Variants in DLG2 observed in about 807,000 individuals in gnomAD.
The protein encoded by DLG2 is disks large homolog 2.
DLG2 carries 45 observed loss-of-function variants against 132.5 expected under a neutral mutation model. The ratio of observed to expected loss-of-function variants is 0.34; its 90% confidence interval spans 0.27 to 0.44. The LOEUF (loss-of-function observed/expected upper bound fraction) is 0.44, where lower values mean the gene tolerates loss of function less well. Among genes scored for constraint, DLG2 ranks in the 20% least tolerant of loss-of-function variants. DLG2 has a pLI of 1.00. For synonymous variants in DLG2, 424 were observed against 419.6 expected, an observed-to-expected ratio of 1.01 and a Z score of -0.13; for missense variants, 1,045 against 1,196.9, an observed-to-expected ratio of 0.87 and a Z score of 1.87.
chr11:85,165,634 C>T (rs796601490), intron 4 of DLG2, among the ~76,000 whole-genome samples: 2 of 152,248 alleles, frequency 1.3e-5, no homozygotes, highest in African/African-American at 4.8e-5. Context: ...CATCAGAACA[C>T]CTTTCTACTT....
intron 12 of DLG2, among the ~76,000 whole-genome samples, chr11:83,980,207 G>A (rs2514144): frequency 0.98 from 149,616 of 152,180 alleles, 73,554 homozygotes; most frequent in East Asian, 1. Flanking sequence ...AGGTGGCTTT[G>A]TAAGAAGAGA....
intron 4 of DLG2, among the ~76,000 whole-genome samples, chr11:85,256,729 G>A (rs1046946752): frequency 4.6e-5 from 7 of 152,052 alleles, no homozygotes; most frequent in African/African-American, 1.7e-4. Context: ...GTGTGAGGGG[G>A]GGTCAGGGAA....
intron 12 of DLG2, among the ~76,000 whole-genome samples, chr11:83,968,671 G>T (rs1055832965): frequency 2.0e-5 from 3 of 151,508 alleles, no homozygotes; most frequent in African/African-American, 7.3e-5. Context: ...TTTTACAGAT[G>T]AGAAAAGTGT....
intron 5 of DLG2, among the ~76,000 whole-genome samples, chr11:85,130,625 A>G (rs2075619533): frequency 6.6e-6 from 1 of 152,224 alleles, no homozygotes; most frequent in Non-Finnish European, 1.5e-5. Context: ...TCTGTAAAGC[A>G]ATAATTGAAG....
intron 6 of DLG2, among the ~76,000 whole-genome samples, chr11:84,986,501 T>C (rs2056508141): frequency 6.6e-6 from 1 of 152,250 alleles, no homozygotes; most frequent in East Asian, 1.9e-4. Flanking sequence ...ATATCCCTGA[T>C]GAACATAGAT....
intron 6 of DLG2, among the ~76,000 whole-genome samples, chr11:84,564,721 T>A (rs968037423): frequency 2.6e-5 from 4 of 152,226 alleles, no homozygotes; most frequent in African/African-American, 7.2e-5. Flanking sequence ...AAATATTACC[T>A]AAGGTGTCTC....
At chr11:85,613,246 C>T (rs973552785) in intron 2 of DLG2, among the ~76,000 whole-genome samples, 2 of 152,094 alleles carry the variant, frequency 1.3e-5, no homozygotes, top group East Asian at 1.9e-4. Context: ...ATCAAGCTAC[C>T]GATGGTCTTA....
At chr11:85,255,475 G>A (rs1413990484) in intron 4 of DLG2, among the ~76,000 whole-genome samples, 1 of 152,084 alleles carries the variant, frequency 6.6e-6, no homozygotes, top group Non-Finnish European at 1.5e-5. Context: ...TTCACCTAAA[G>A]TTCAAATATT....
chr11:85,309,696 G>A (rs1226511699), intron 3 of DLG2, among the ~76,000 whole-genome samples: 3 of 151,946 alleles, frequency 2.0e-5, no homozygotes, highest in African/African-American at 7.3e-5. Context: ...AATTTGTTTG[G>A]GTATGCTGTG....
At chr11:85,203,650 C>T (rs2152557112) in intron 4 of DLG2, among the ~76,000 whole-genome samples, 1 of 152,144 alleles carries the variant, frequency 6.6e-6, no homozygotes, top group East Asian at 1.9e-4. Context: ...TCAAACTATT[C>T]AAAAACATTG....
intron 6 of DLG2, among the ~76,000 whole-genome samples, chr11:85,083,391 C>A (rs954662089): frequency 6.6e-6 from 1 of 152,070 alleles, no homozygotes; most frequent in African/African-American, 2.4e-5. Context: ...CCATTGGTCA[C>A]CAATTTGTAA....
chr11:84,205,323 T>C (rs992439840), intron 8 of DLG2, among the ~76,000 whole-genome samples: 16 of 152,142 alleles, frequency 1.1e-4, no homozygotes, highest in African/African-American at 7.2e-5. Flanking sequence ...CTTTGAGTAA[T>C]TGAGTGAACA....
chr11:85,110,990 A>G (rs951086998), intron 6 of DLG2, among the ~76,000 whole-genome samples: 2 of 152,166 alleles, frequency 1.3e-5, no homozygotes, highest in African/African-American at 2.4e-5. Flanking sequence ...TGTATTACAG[A>G]GTATCATACA....
chr11:83,518,008 T>C (rs993704654), intron 21 of DLG2, among the ~76,000 whole-genome samples: 1 of 152,214 alleles, frequency 6.6e-6, no homozygotes, highest in African/African-American at 2.4e-5. Context: ...TTCTCAGATC[T>C]CAAGGTGCAT....
chr11:85,027,903 G>C (rs2060672168), intron 6 of DLG2, among the ~76,000 whole-genome samples: 1 of 152,150 alleles, frequency 6.6e-6, no homozygotes, highest in Non-Finnish European at 1.5e-5. Context: ...GCGGGGGAGG[G>C]GGGTGTTTCA....
At chr11:84,420,554 A>G (rs1454083048) in intron 7 of DLG2, among the ~76,000 whole-genome samples, 1 of 150,898 alleles carries the variant, frequency 6.6e-6, no homozygotes, top group African/African-American at 2.4e-5. Flanking sequence ...GAAAAAATGT[A>G]TCACGAGGGT....
chr11:83,731,926 G>C (rs2091082830), intron 18 of DLG2, among the ~76,000 whole-genome samples: 1 of 152,152 alleles, frequency 6.6e-6, no homozygotes, highest in Admixed American at 6.6e-5. Flanking sequence ...AAAGCACTTA[G>C]TACAGCATTT....
rs190604652 is a variant in DLG2 at position 85,319,752 on chromosome 11, A to C, written c.41-34387T>G. Among the ~76,000 whole-genome samples the C allele has an allele frequency of 3.9e-5, 6 of 151,952 alleles. No homozygotes were observed. The East Asian group carries it at 1.2e-3, about 29-fold the overall frequency. ...CAATGTGCATTAACATATTCAACAC[A>C]GTATAACTTTATTTATGCTCTCTAA... On this transcript the variant is annotated intron_variant, in intron 3 of 27. Coordinates refer to ENST00000376104, the MANE Select transcript of DLG2 (RefSeq NM_001142699.3).
At chr11:85,059,658 G>C (rs1450905341) in intron 6 of DLG2, among the ~76,000 whole-genome samples, 2 of 151,520 alleles carry the variant, frequency 1.3e-5, no homozygotes, top group African/African-American at 2.4e-5. Flanking sequence ...AGTGAAATAA[G>C]CAAGGGGAAA....
Sources: allele counts gnomAD v4.1 joint callset (sites outside exome capture counted in the v4.1 genomes callset), GRCh38; gene constraint gnomAD v4.1.1; transcripts MANE v1.5; gene names NCBI Gene and HGNC (gene_info 2026-07-23, HGNC 2026-07-21).